Variants in SRGAP3 observed in about 807,000 individuals in gnomAD.
SRGAP3 encodes the protein SLIT-ROBO Rho GTPase-activating protein 3.
A neutral mutation model predicts 121.1 loss-of-function variants in SRGAP3; 39 were observed. The ratio of observed to expected loss-of-function variants is 0.32; its 90% confidence interval spans 0.25 to 0.42. SRGAP3 has a LOEUF of 0.42. Ranked by LOEUF, SRGAP3 falls within the 10% of genes least tolerant of loss-of-function variation. The probability of loss-of-function intolerance (pLI) is 1.00; values close to 1 mark genes in which losing one functional copy is unlikely to be tolerated. For synonymous variants in SRGAP3, 601 were observed against 570.0 expected (o/e 1.05, Z -0.77); for missense variants, 1,213 against 1,470.6 (o/e 0.82, Z 2.86).
At chr3:9,275,270 C>T (rs1328342871) in intron 3 of SRGAP3, among the ~76,000 whole-genome samples, 1 of 152,156 alleles carries the variant, frequency 6.6e-6, no homozygotes, top group African/African-American at 2.4e-5. Flanking sequence ...TCCTCCTTCT[C>T]TTCCTGTCTC....
intron 5 of SRGAP3, among the ~76,000 whole-genome samples, chr3:9,061,083 T>G (rs1226667778): frequency 1.3e-5 from 2 of 152,102 alleles, no homozygotes; most frequent in Admixed American, 6.5e-5. Context: ...AATACAAAAA[T>G]TAGCTGGGTG....
At chr3:9,016,485 A>G (rs1262436678) in intron 14 of SRGAP3, among the ~76,000 whole-genome samples, 1 of 152,172 alleles carries the variant, frequency 6.6e-6, no homozygotes, top group Non-Finnish European at 1.5e-5. Flanking sequence ...GATGTTATGG[A>G]CACCTTAATG....
At chr3:9,310,393 C>A (rs562514199) in intron 3 of SRGAP3, among the ~76,000 whole-genome samples, 29 of 152,256 alleles carry the variant, frequency 1.9e-4, no homozygotes, top group African/African-American at 7.0e-4. Flanking sequence ...GTAGGAATAA[C>A]CCACCTCTAG....
chr3:9,199,979 C>T (rs1952023721), intron 1 of SRGAP3, among the ~76,000 whole-genome samples: 1 of 152,180 alleles, frequency 6.6e-6, no homozygotes, highest in Non-Finnish European at 1.5e-5. Context: ...TCAGAAAGGC[C>T]TTATGAATTG....
intron 1 of SRGAP3, among the ~76,000 whole-genome samples, chr3:9,146,808 C>T (rs990490704): frequency 1.3e-5 from 2 of 152,180 alleles, no homozygotes; most frequent in Non-Finnish European, 2.9e-5. Flanking sequence ...GAGGACGATG[C>T]GTCCCTCTTG....
rs753895505 is a variant in SRGAP3, at chr3:9,124,706, C to A, written c.260+19G>T. 1.4e-5 allele frequency: 23 copies of A among 1,613,722 alleles called. No individual in the cohort carries two copies. The highest frequency in any genetic ancestry group is 1.8e-5 in the Non-Finnish European group (21 of 1,180,020). On this transcript the variant is annotated intron_variant, in intron 2 of 21. Transcript: ENST00000383836. ...CAGTGCTGCCTCCCATCTCTGTGCACCCATACCCAACTTCTTACTTGAACT... is the reference window on the plus strand; with the variant it reads ...CAGTGCTGCCTCCCATCTCTGTGCAACCATACCCAACTTCTTACTTGAACT...
At chr3:9,281,615 G>A (rs1954680860) in intron 3 of SRGAP3, among the ~76,000 whole-genome samples, 2 of 152,124 alleles carry the variant, frequency 1.3e-5, no homozygotes, top group Admixed American at 1.3e-4. Flanking sequence ...AATAAACAAA[G>A]TAATTTATGT....
intron 21 of SRGAP3, among the ~76,000 whole-genome samples, 164 bp from the exon 22 acceptor site, chr3:8,986,096 GTGGATATCCCCTGCATGC>G (rs1333319398): frequency 1.3e-5 from 2 of 152,156 alleles, no homozygotes; most frequent in African/African-American, 4.8e-5. Context: ...GAGAACCAAT[GTGGATATCCCCTGCATGC>G]TGCCTTGCAC....
At chr3:8,992,177 G>A (rs1039412040) in intron 20 of SRGAP3, among the ~76,000 whole-genome samples, 3 of 152,186 alleles carry the variant, frequency 2.0e-5, no homozygotes. Context: ...ACCTACATGT[G>A]TGGGCTGACC....
intron 1 of SRGAP3, among the ~76,000 whole-genome samples, chr3:9,184,675 A>G (rs555751019): frequency 1.3e-5 from 2 of 152,062 alleles, no homozygotes; most frequent in East Asian, 1.9e-4. Flanking sequence ...GGACATGGCC[A>G]CAGTGTAAAA....
At chr3:9,157,083 T>C (rs1312116091) in intron 1 of SRGAP3, among the ~76,000 whole-genome samples, 1 of 152,160 alleles carries the variant, frequency 6.6e-6, no homozygotes, top group African/African-American at 2.4e-5. Flanking sequence ...ATTAGTCTGT[T>C]CTCACACCGC....
At chr3:9,307,484 C>A (rs11706331) in intron 3 of SRGAP3, among the ~76,000 whole-genome samples, 1 of 152,218 alleles carries the variant, frequency 6.6e-6, no homozygotes. Context: ...GCCCATGAAC[C>A]TACGACCCAG....
At chr3:9,200,898 T>A (rs1014037264) in intron 1 of SRGAP3, among the ~76,000 whole-genome samples, 1 of 152,124 alleles carries the variant, frequency 6.6e-6, no homozygotes, top group African/African-American at 2.4e-5. Context: ...GCAGTACCAG[T>A]AACAGAATGG....
intron 18 of SRGAP3, among the ~76,000 whole-genome samples, chr3:9,004,219 G>T (rs1008985860): frequency 2.6e-5 from 4 of 151,994 alleles, no homozygotes; most frequent in Admixed American, 6.6e-5. Flanking sequence ...AGGATAAAAG[G>T]CACTCTGTAG....
chr3:9,294,744 G>A (rs986219752), intron 3 of SRGAP3, among the ~76,000 whole-genome samples: 1 of 150,154 alleles, frequency 6.7e-6, no homozygotes. Flanking sequence ...GTGTGTGTTT[G>A]GGAGGGCATC....
intron 1 of SRGAP3, among the ~76,000 whole-genome samples, chr3:9,213,770 T>A (rs891332602): frequency 1.3e-5 from 2 of 152,220 alleles, no homozygotes; most frequent in Non-Finnish European, 2.9e-5. Flanking sequence ...TCTTGTGACA[T>A]TCTCTGCCTC....
At chr3:9,162,625 G>C (rs1224430955) in intron 1 of SRGAP3, among the ~76,000 whole-genome samples, 3 of 152,230 alleles carry the variant, frequency 2.0e-5, no homozygotes, top group Non-Finnish European at 4.4e-5. Flanking sequence ...ACAGGGAAAA[G>C]GATGACCTGG....
chr3:9,149,165 G>T (rs1300075364), intron 1 of SRGAP3, among the ~76,000 whole-genome samples: 1 of 146,052 alleles, frequency 6.8e-6, no homozygotes, highest in Non-Finnish European at 1.5e-5. Flanking sequence ...AGTGAGCCGA[G>T]ATCGCGCCAC....
At chr3:9,223,058 A>C (rs1305260726) in intron 1 of SRGAP3, among the ~76,000 whole-genome samples, 1 of 152,246 alleles carries the variant, frequency 6.6e-6, no homozygotes, top group Admixed American at 6.5e-5. Flanking sequence ...ACACTTAAAG[A>C]ATCATCTCCC....
Sources: allele counts gnomAD v4.1 joint callset (sites outside exome capture counted in the v4.1 genomes callset), GRCh38; gene constraint gnomAD v4.1.1; transcripts MANE v1.5; gene names NCBI Gene and HGNC (gene_info 2026-07-23, HGNC 2026-07-21).